The following LYST variants were observed in gnomAD, a reference collection of about 807,000 sequenced individuals.
LYST encodes the protein lysosomal trafficking regulator, also known as lysosomal-trafficking regulator.
LYST carries 192 observed loss-of-function variants against 413.6 expected under a neutral mutation model. The observed-to-expected ratio is 0.46, with a 90% confidence interval of 0.41 to 0.52. The LOEUF is 0.52. Ranked by LOEUF, LYST falls within the 20% of genes least tolerant of loss-of-function variation. The pLI, the probability that LYST is intolerant of heterozygous loss-of-function variation, is 0.00. For missense variants in LYST, 3,815 were observed against 4,499.9 expected (o/e 0.85, Z 4.35); for synonymous variants, 1,525 against 1,567.3 (o/e 0.97, Z 0.64).
Position 235,674,260 on chromosome 1 carries a change from A to G in LYST, c.11038+2831T>C, listed in dbSNP as rs1659197293. Among the ~76,000 whole-genome samples, 1 of 152,086 alleles carries G rather than the reference A, an allele frequency of 6.6e-6. No homozygotes were observed. The highest frequency in any genetic ancestry group is 2.4e-5 in the African/African-American group (1 of 41,408). On this transcript the variant is annotated intron_variant, in intron 50 of 52. Transcript: ENST00000389793. The surrounding 1 kb of genome is among the most constrained non-coding windows in gnomAD (Gnocchi z 4.1). ...AACCAGCCTGTCTGCCCTTGTTTTC[A>G]TCCCCAAGCGGATGTATGGTAGTAT... is the stretch of plus-strand genomic sequence containing the variant.
Position 235,757,441 on chromosome 1 carries a change from A to C in LYST, c.6899T>G (p.Leu2300Trp). ...ASAHSVTEDC[L>W]VPICCGLYEL... ...ATATAATCCACAGCATATAGGTACC[A>C]AACAGTCTTCAGTTACACTAAAACA... Residue 2300 changes from leucine (L) to tryptophan (W), a missense_variant, in exon 24 of 53, where the codon TTG becomes TGG. Leu to Trp is a moderately conservative substitution (Grantham distance 61). Around this residue, in one of 4 missense-constraint regions of LYST, gnomAD observed 771 missense variants for 837.1 expected, o/e 0.92. Coordinates refer to ENST00000389793, the MANE Select transcript of LYST (RefSeq NM_000081.4). 6.2e-7 allele frequency: 1 copy of C among 1,613,558 alleles called. No homozygotes were observed. The highest frequency in any genetic ancestry group is 8.5e-7 in the Non-Finnish European group (1 of 1,179,620).
At chr1:235,766,566 G>C (rs1031104018) in intron 20 of LYST, among the ~76,000 whole-genome samples, 2 of 152,134 alleles carry the variant, frequency 1.3e-5, no homozygotes, top group Non-Finnish European at 2.9e-5. Flanking sequence ...TCAAAAGCCA[G>C]ACTTCCTAGG....
intron 45 of LYST, among the ~76,000 whole-genome samples, chr1:235,699,197 C>T (rs775293509): frequency 2.6e-5 from 4 of 152,098 alleles, no homozygotes; most frequent in Non-Finnish European, 5.9e-5. Flanking sequence ...CACCTATCAA[C>T]CCATCATCTA....
At position 235,752,350 on chromosome 1, in the gene LYST, G is replaced by A. The variant is rs540616740; in HGVS notation, c.7461-179C>T. Among the ~76,000 whole-genome samples the A allele has an allele frequency of 1.4e-3, 218 of 152,252 alleles. 7 individuals carry two copies. The South Asian group carries it at 0.044, about 31-fold the overall frequency. ...ATGGCAAGTAATATGTAGTATGTAT[G>A]CTAGAAATAGAAATAAGATACACTT... On this transcript the variant is annotated intron_variant, in intron 26 of 52. Coordinates refer to ENST00000389793, the MANE Select transcript of LYST (RefSeq NM_000081.4).
chr1:235,864,999 C>G (rs1438118756), intron 1 of LYST, among the ~76,000 whole-genome samples: 1 of 152,166 alleles, frequency 6.6e-6, no homozygotes, highest in African/African-American at 2.4e-5. Flanking sequence ...AGTAGAAACT[C>G]AAGTCCTTAA....
In LYST at chr1:235,806,281, G is replaced by C; in HGVS notation, c.2855C>G (p.Pro952Arg). 6.2e-7 allele frequency: 1 copy of C among 1,614,018 alleles called. No homozygotes were observed. The highest frequency in any genetic ancestry group is 8.5e-7 in the Non-Finnish European group (1 of 1,179,992). The change falls in exon 6 of 53, where the codon CCT becomes CGT. Residue 952 changes from proline to arginine, a missense_variant. Transcript: ENST00000389793. ...PCISLESLVL[P>R]SPEHMHQAAD... ...TGCTTGGTGCATATGTTCAGGAGAAGGCAAGACAAGGCTCTCGAGAGATAT... is the reference window on the plus strand; with the variant it reads ...TGCTTGGTGCATATGTTCAGGAGAACGCAAGACAAGGCTCTCGAGAGATAT...
chr1:235,706,085 G>T (rs1281142562), intron 44 of LYST, among the ~76,000 whole-genome samples: 1 of 152,184 alleles, frequency 6.6e-6, no homozygotes, highest in Non-Finnish European at 1.5e-5. Flanking sequence ...GAGCCACCAT[G>T]CCTGGCCTCC....
chr1:235,720,173 CAAAAAAAAAAAAAA>C (rs71576484), intron 40 of LYST, among the ~76,000 whole-genome samples: 873 of 9,470 alleles, frequency 0.092, 14 homozygotes, highest in African/African-American at 0.19. Context: ...GACTCTGTCT[CAAAAAAAAAAAAAA>C]AAAAAAAAAA....
chr1:235,860,343 A>C (rs1224785609), intron 1 of LYST, among the ~76,000 whole-genome samples: 1 of 152,172 alleles, frequency 6.6e-6, no homozygotes, highest in African/African-American at 2.4e-5. Context: ...ACCTACACTG[A>C]CAGGTCATTA....
intron 11 of LYST, 93 bp downstream of exon 11, chr1:235,793,410 G>A (rs1476324168): frequency 1.4e-5 from 9 of 658,012 alleles, no homozygotes; most frequent in Non-Finnish European, 2.1e-5. Context: ...AAAGAGCTTA[G>A]TAACATTTCT....
chr1:235,677,553 A>C lies in LYST; in HGVS notation c.10867T>G (p.Phe3623Val). 1 of 1,613,124 alleles carries C rather than the reference A, an allele frequency of 6.2e-7. No individual in the cohort carries two copies. Residue 3623 changes from phenylalanine to valine, a missense_variant, in exon 49 of 53, where the codon TTT becomes GTT. By Grantham distance (50) the Phe-to-Val change is conservative. Around this residue, in one of 4 missense-constraint regions of LYST, gnomAD observed 866 missense variants for 1,156.0 expected, o/e 0.75. Coordinates refer to ENST00000389793, the MANE Select transcript of LYST (RefSeq NM_000081.4). ...YGHTEEITSLFVCKPYSILIS... is the reference protein window; with the variant it reads ...YGHTEEITSLVVCKPYSILIS... ...AGTATACTGTATGGTTTGCAAACAAATAAGCTGGTTATCTCTTCTGTGTGA... is the reference window on the plus strand; with the variant it reads ...AGTATACTGTATGGTTTGCAAACAACTAAGCTGGTTATCTCTTCTGTGTGA...
chr1:235,843,040 TG>T (rs1677393614), intron 1 of LYST, among the ~76,000 whole-genome samples: 2 of 152,192 alleles, frequency 1.3e-5, no homozygotes, highest in Non-Finnish European at 2.9e-5. Context: ...TGCCTTGTCA[TG>T]TCTGTGTTCT....
intron 10 of LYST, among the ~76,000 whole-genome samples, chr1:235,794,418 T>C (rs1466021486): frequency 6.6e-6 from 1 of 152,188 alleles, no homozygotes; most frequent in Non-Finnish European, 1.5e-5. Flanking sequence ...AAAACATAAA[T>C]GGTGATATAC....
chr1:235,671,946 G>A (rs549418201), intron 50 of LYST, among the ~76,000 whole-genome samples: 1 of 152,226 alleles, frequency 6.6e-6, no homozygotes, highest in Non-Finnish European at 1.5e-5. Flanking sequence ...TTTTGGACTA[G>A]TGTGATAGAT....
chr1:235,747,319 A>C (rs7530633), intron 28 of LYST: 469 of 432,980 alleles, frequency 1.1e-3, no homozygotes, highest in African/African-American at 9.0e-3. Flanking sequence ...GGAACCCTTC[A>C]TTGGAATTGA....
intron 45 of LYST, among the ~76,000 whole-genome samples, chr1:235,701,792 C>T (rs1379072791): frequency 6.6e-6 from 1 of 152,188 alleles, no homozygotes; most frequent in Non-Finnish European, 1.5e-5. Context: ...AGCAAAACAA[C>T]ACTGTCTACC....
intron 1 of LYST, among the ~76,000 whole-genome samples, chr1:235,844,861 A>T (rs1039950215): frequency 6.6e-6 from 1 of 152,174 alleles, no homozygotes; most frequent in Non-Finnish European, 1.5e-5. Flanking sequence ...TACAATATTT[A>T]AGCAAGAAAA....
chr1:235,708,776 T>C (rs1662185213), intron 44 of LYST, among the ~76,000 whole-genome samples: 1 of 152,194 alleles, frequency 6.6e-6, no homozygotes, highest in Admixed American at 6.5e-5. Flanking sequence ...TCCCAGACTT[T>C]GCCCCATGCT....
At chr1:235,737,381 T>C (rs1273642715) in intron 31 of LYST, 3 of 152,062 alleles carry the variant, frequency 2.0e-5, no homozygotes, top group African/African-American at 7.3e-5. Flanking sequence ...CTTGTCTTTC[T>C]AAAAAAATAC....
Sources: allele counts gnomAD v4.1 joint callset (sites outside exome capture counted in the v4.1 genomes callset), GRCh38; gene constraint gnomAD v4.1.1; regional missense constraint gnomAD v4.1.1; non-coding constraint Gnocchi (gnomAD v3.1); transcripts MANE v1.5; gene names NCBI Gene and HGNC (gene_info 2026-07-23, HGNC 2026-07-21).